AFF1: variants seen among roughly 807,000 people sequenced by gnomAD.
AFF1 encodes ALF transcription elongation factor 1.
In AFF1, 48 loss-of-function variants were observed where a neutral mutation model predicts 121.7. The ratio of observed to expected loss-of-function variants is 0.39; its 90% CI spans 0.31 to 0.50. The LOEUF is 0.50. AFF1 is among the 20% of genes least tolerant of loss of function. The pLI is 0.76. For synonymous variants in AFF1, 613 were observed against 563.0 expected (o/e 1.09, Z -1.26); for missense variants, 1,523 against 1,511.7 (o/e 1.01, Z -0.12).
intron 2 of AFF1, among the ~76,000 whole-genome samples, chr4:86,960,844 A>G (rs927931965): frequency 1.3e-5 from 2 of 152,212 alleles, no homozygotes; most frequent in Non-Finnish European, 2.9e-5. Context: ...ACTGGAGGTC[A>G]GAGACTGCCC....
At chr4:87,001,997 A>G (rs1385551939) in intron 2 of AFF1, among the ~76,000 whole-genome samples, 2 of 152,258 alleles carry the variant, frequency 1.3e-5, no homozygotes, top group Non-Finnish European at 2.9e-5. Context: ...AAAATGCTAC[A>G]AAGGGTAGAA....
chr4:86,960,319 T>C (rs1016290463), intron 2 of AFF1, among the ~76,000 whole-genome samples: 3 of 152,150 alleles, frequency 2.0e-5, no homozygotes, highest in Admixed American at 1.3e-4. Flanking sequence ...TGTTGAGAAT[T>C]GAAGTGCAGT....
At chr4:87,016,534 A>C (rs1442273500) in intron 2 of AFF1, among the ~76,000 whole-genome samples, 1 of 151,486 alleles carries the variant, frequency 6.6e-6, no homozygotes, top group Admixed American at 6.6e-5. Context: ...CCTGGGTGAC[A>C]GAGTCAGACT....
At chr4:87,089,924 G>A in intron 5 of AFF1, 60 bp from the exon 6 acceptor site, 2 of 1,244,794 alleles carry the variant, frequency 1.6e-6, no homozygotes. Flanking sequence ...AAAATGTTAA[G>A]TAGCAATGAA....
chr4:87,117,319 C>T (rs1369706488), intron 12 of AFF1, among the ~76,000 whole-genome samples: 2 of 152,190 alleles, frequency 1.3e-5, no homozygotes, highest in African/African-American at 4.8e-5. Context: ...TCATCTTAAT[C>T]GAGTGCATGA....
chr4:86,952,549 C>CATGTGTAT (rs1403502805), intron 2 of AFF1, among the ~76,000 whole-genome samples: 1 of 152,054 alleles, frequency 6.6e-6, no homozygotes, highest in African/African-American at 2.4e-5. Flanking sequence ...GCCACCACAG[C>CATGTGTAT]ATGTGTATAC....
At chr4:87,095,601 G>C (rs1724750972) in intron 8 of AFF1, among the ~76,000 whole-genome samples, 1 of 152,136 alleles carries the variant, frequency 6.6e-6, no homozygotes, top group East Asian at 1.9e-4. Flanking sequence ...ACAAGTTTTG[G>C]GGGATGTGCA....
At chr4:87,059,443 C>T (rs1296653300) in intron 4 of AFF1, among the ~76,000 whole-genome samples, 2 of 152,212 alleles carry the variant, frequency 1.3e-5, no homozygotes, top group Non-Finnish European at 2.9e-5. Context: ...ATAGCTTCTC[C>T]TTTTCTCTGT....
chr4:87,038,255 T>C (rs1461223757), intron 2 of AFF1, among the ~76,000 whole-genome samples: 1 of 152,226 alleles, frequency 6.6e-6, no homozygotes, highest in Non-Finnish European at 1.5e-5. Flanking sequence ...ACGATTTAGC[T>C]GAGTGATTTT....
chr4:86,949,484 GTTT>G (rs1264827774), intron 2 of AFF1, among the ~76,000 whole-genome samples: 1 of 146,108 alleles, frequency 6.8e-6, no homozygotes. Context: ...TTGCAGAGTT[GTTT>G]TTATTGTTAC....
chr4:86,935,067 G>A lies in AFF1; in HGVS notation c.-210G>A, dbSNP rs1748335040. 6.6e-6 allele frequency: 1 copy of A among 152,012 alleles called. No homozygotes were observed. Among genetic ancestry groups the A allele is most frequent in the Admixed American group, 6.5e-5 (1 of 15,268 alleles). The allele number at this position is 152,012 out of a possible 1,614,324, so 9.4% of individuals were successfully genotyped here. A position where few individuals can be genotyped will look rare whatever the true frequency, so the allele number is the denominator to read the frequency against. ...CCCTGCGCACTCGGCCGCCGCCTGC[G>A]CGCGTTGCGGCCGCAGCTGCACCTT... is the stretch of plus-strand genomic sequence containing the variant. On this transcript the variant is annotated 5_prime_UTR_variant, in exon 1 of 21. Coordinates refer to ENST00000395146, the MANE Select transcript of AFF1 (RefSeq NM_001166693.3).
At position 87,132,346 on chromosome 4, in the gene AFF1, T is replaced by G; in HGVS notation, c.3249T>G (p.Thr1083=). 6.2e-7 allele frequency: 1 copy of G among 1,613,550 alleles called. No homozygotes were observed. Among genetic ancestry groups the G allele is most frequent in the Non-Finnish European group, 8.5e-7 (1 of 1,179,826 alleles). ...KKDIAIKYSR[T]LNKHFESSSK... The stretch of plus-strand genomic sequence containing the variant: ...ACATAGCAATAAAGTATTCTCGTAC[T>G]CTTAATAAACACTTCGAGAGTTCTT... The change falls in exon 19 of 21, where the codon ACT becomes ACG. Residue 1083 remains threonine (T), a synonymous_variant. Coordinates refer to ENST00000395146, the MANE Select transcript of AFF1 (RefSeq NM_001166693.3).
Position 87,127,645 on chromosome 4 carries a change from A to G in AFF1, c.2906A>G (p.Gln969Arg). The change falls in exon 16 of 21, where the codon CAA (glutamine) becomes CGA (arginine). Residue 969 changes from glutamine (Q) to arginine (R), a missense_variant and splice_region_variant. This residue lies in a region of AFF1 where 905 missense variants were observed against 842.5 expected (regional missense o/e 1.07). Coordinates refer to ENST00000395146, the MANE Select transcript of AFF1 (RefSeq NM_001166693.3). ...CCCTGGTTTTTCCTCTTTTTCAGAC[A>G]ACAAGCAGACCTTCACATGAGGGAG... Reference protein sequence around the residue: ...PGKPQVKFDKQQADLHMREAK... With the variant: ...PGKPQVKFDKRQADLHMREAK... 1 of 1,614,134 alleles carries G rather than the reference A, an allele frequency of 6.2e-7. No homozygotes were observed. The highest frequency in any genetic ancestry group is 1.1e-5 in the South Asian group (1 of 91,086).
chr4:87,038,136 A>G (rs555272011), intron 2 of AFF1, among the ~76,000 whole-genome samples: 39 of 152,368 alleles, frequency 2.6e-4, no homozygotes, highest in Non-Finnish European at 4.9e-4. Context: ...GATATTTTTA[A>G]TATGAAATCA....
intron 4 of AFF1, among the ~76,000 whole-genome samples, chr4:87,065,801 T>C (rs1176026495): frequency 2.0e-5 from 1 of 49,158 alleles, no homozygotes; most frequent in Non-Finnish European, 4.0e-5. Flanking sequence ...CCCATTATTT[T>C]TCCCCCCCCT....
At chr4:87,031,439 G>GTT (rs796554313) in intron 2 of AFF1, among the ~76,000 whole-genome samples, 23 of 140,718 alleles carry the variant, frequency 1.6e-4, no homozygotes, top group African/African-American at 3.9e-4. Flanking sequence ...CTTAGCATAT[G>GTT]TTTTTTTTTT....
chr4:86,963,807 T>C (rs1722323632), intron 2 of AFF1, among the ~76,000 whole-genome samples: 1 of 151,860 alleles, frequency 6.6e-6, no homozygotes, highest in Non-Finnish European at 1.5e-5. Flanking sequence ...TTTCTTTTTT[T>C]TTTTTGAGAC....
At chr4:86,987,902 G>C (rs11933026) in intron 2 of AFF1, among the ~76,000 whole-genome samples, 5,836 of 150,838 alleles carry the variant, frequency 0.039, 193 homozygotes, top group African/African-American at 0.092. Context: ...GCAGTGAGCT[G>C]AGATTGTGCC....
chr4:87,072,270 G>A (rs1722148776), intron 4 of AFF1, among the ~76,000 whole-genome samples: 1 of 150,918 alleles, frequency 6.6e-6, no homozygotes, highest in Admixed American at 6.6e-5. Flanking sequence ...GTCTGAGGCA[G>A]GAGAATGGCG....
Sources: allele counts gnomAD v4.1 joint callset (sites outside exome capture counted in the v4.1 genomes callset), GRCh38; gene constraint gnomAD v4.1.1; regional missense constraint gnomAD v4.1.1; transcripts MANE v1.5; gene names NCBI Gene and HGNC (gene_info 2026-07-23, HGNC 2026-07-21).